Variants in SMG6 observed in about 807,000 individuals in gnomAD.
SMG6 encodes the protein telomerase-binding protein EST1A.
Under a neutral mutation model 142.2 loss-of-function variants are expected in SMG6, and 66 were observed. The observed-to-expected ratio is 0.46, with a 90% CI of 0.38 to 0.57. The LOEUF (loss-of-function observed/expected upper bound fraction) is 0.57. Among genes scored for constraint, SMG6 ranks in the 20% least tolerant of loss-of-function variants. The pLI is 0.00. For synonymous variants in SMG6, 779 were observed against 702.4 expected (o/e 1.11, Z -1.72); for missense variants, 1,793 against 1,832.0 (o/e 0.98, Z 0.39).
At chr17:2,174,849 G>C (rs2071610268) in intron 12 of SMG6, among the ~76,000 whole-genome samples, 1 of 152,184 alleles carries the variant, frequency 6.6e-6, no homozygotes, top group South Asian at 2.1e-4. Context: ...GATGTAATGG[G>C]AAACGCGGCA....
At chr17:2,220,749 T>C (rs2073147703) in intron 10 of SMG6, among the ~76,000 whole-genome samples, 1 of 152,262 alleles carries the variant, frequency 6.6e-6, no homozygotes, top group Admixed American at 6.5e-5. Context: ...AAGAATTTTA[T>C]AGCTTTGTAT....
intron 2 of SMG6, among the ~76,000 whole-genome samples, chr17:2,298,496 G>A (rs1243072070): frequency 6.6e-6 from 1 of 152,084 alleles, no homozygotes; most frequent in Non-Finnish European, 1.5e-5. Flanking sequence ...GAGGCAGGCG[G>A]ATCACGAGGT....
intron 8 of SMG6, among the ~76,000 whole-genome samples, chr17:2,269,113 G>A (rs553532223): frequency 8.6e-5 from 13 of 151,262 alleles, no homozygotes; most frequent in South Asian, 6.3e-4. Context: ...CCAGCTACCC[G>A]AGAGGCTGCG....
chr17:2,201,843 G>A (rs966587056), intron 10 of SMG6, among the ~76,000 whole-genome samples: 3 of 151,982 alleles, frequency 2.0e-5, no homozygotes, highest in Non-Finnish European at 2.9e-5. Flanking sequence ...GGCAAACATG[G>A]TGAAACCCCA....
At chr17:2,191,894 T>C (rs559119237) in intron 10 of SMG6, among the ~76,000 whole-genome samples, 2 of 152,358 alleles carry the variant, frequency 1.3e-5, no homozygotes, top group Admixed American at 6.5e-5. Flanking sequence ...CCGGATGTTA[T>C]GTATTTCTAA....
chr17:2,123,775 T>C (rs2069779143), intron 13 of SMG6, among the ~76,000 whole-genome samples: 1 of 124,804 alleles, frequency 8.0e-6, no homozygotes, highest in African/African-American at 3.0e-5. Flanking sequence ...AGAGGAGGAG[T>C]GTGTTTGTGT....
rs2067918010 is a variant in SMG6, at chr17:2,065,566, G to A, written c.3949C>T (p.Arg1317Ter). Residue 1317 changes from arginine (R) to a stop codon, truncating the protein, a stop_gained, in exon 17 of 19, where the codon CGA becomes TGA. Coordinates refer to ENST00000263073, the MANE Select transcript of SMG6 (RefSeq NM_017575.5). LOFTEE classifies it high-confidence loss of function. ...AGGCAAGAGTCCCGACTCTCGAATC[G>A]CTGCTCGAGGAACTCGATGGACTTG... ...ARKSIEFLEQRFESRDSCLRA... is the reference protein window; with the variant it reads ...ARKSIEFLEQ 3 of 1,613,966 alleles carry A rather than the reference G, an allele frequency of 1.9e-6. No homozygotes were observed. The highest frequency in any genetic ancestry group is 2.5e-6 in the Non-Finnish European group (3 of 1,180,040).
chr17:2,244,335 G>A (rs1175341346), intron 9 of SMG6, among the ~76,000 whole-genome samples: 2 of 151,898 alleles, frequency 1.3e-5, no homozygotes, highest in South Asian at 2.1e-4. Flanking sequence ...CAACTGCCCT[G>A]AGGCACTCAC....
intron 8 of SMG6, among the ~76,000 whole-genome samples, chr17:2,274,502 C>T (rs2074606510): frequency 6.6e-6 from 1 of 151,980 alleles, no homozygotes; most frequent in South Asian, 2.1e-4. Flanking sequence ...GGAGAGAGAA[C>T]AAGGTAAACA....
chr17:2,222,586 T>C (rs2073208505), intron 10 of SMG6, among the ~76,000 whole-genome samples: 1 of 109,298 alleles, frequency 9.1e-6, no homozygotes, highest in Admixed American at 1.4e-4. Context: ...GAGGTCCATA[T>C]ATGAAGGCCT....
At chr17:2,088,616 G>A (rs1244629603) in intron 13 of SMG6, 1 of 985,344 alleles carries the variant, frequency 1.0e-6, no homozygotes, top group Admixed American at 6.1e-5. Flanking sequence ...AGAGAGAAAG[G>A]TTGTCTGTCT....
At position 2,123,411 on chromosome 17, in the gene SMG6, G is replaced by A. The variant is rs1176198731; in HGVS notation, c.3358-37510C>T. Among the ~76,000 whole-genome samples, 4 of 152,234 alleles carry A rather than the reference G, an allele frequency of 2.6e-5. No individual in the cohort carries two copies. The East Asian group carries it at 7.7e-4, about 29-fold the overall frequency. On this transcript the variant is annotated intron_variant, in intron 13 of 18. Coordinates refer to ENST00000263073, the MANE Select transcript of SMG6 (RefSeq NM_017575.5). ...AAAGGCAGTACGACGGAAAGAGGCA[G>A]CTGGAAGGAAGGAATGGAAGTGTGT...
At chr17:2,204,547 G>C (rs2072622480) in intron 10 of SMG6, among the ~76,000 whole-genome samples, 1 of 152,202 alleles carries the variant, frequency 6.6e-6, no homozygotes, top group African/African-American at 2.4e-5. Flanking sequence ...TAATAAGCTA[G>C]ATAAAGCAGT....
At chr17:2,287,198 C>T (rs2074927408) in intron 6 of SMG6, among the ~76,000 whole-genome samples, 1 of 152,080 alleles carries the variant, frequency 6.6e-6, no homozygotes, top group African/African-American at 2.4e-5. Context: ...GGATTACAGG[C>T]GTGAGCCACT....
At chr17:2,256,578 C>T (rs895013877) in intron 8 of SMG6, among the ~76,000 whole-genome samples, 5 of 151,984 alleles carry the variant, frequency 3.3e-5, no homozygotes, top group African/African-American at 1.2e-4. Flanking sequence ...CCTGGGCCAA[C>T]ATGGCAAAAC....
At chr17:2,190,566 G>A (rs529113790) in intron 10 of SMG6, among the ~76,000 whole-genome samples, 18 of 152,322 alleles carry the variant, frequency 1.2e-4, no homozygotes, top group African/African-American at 4.1e-4. Flanking sequence ...GGGCTCAGAG[G>A]GAGAATGGCT....
At chr17:2,116,189 G>C (rs1236471244) in intron 13 of SMG6, among the ~76,000 whole-genome samples, 1 of 151,928 alleles carries the variant, frequency 6.6e-6, no homozygotes, top group Admixed American at 6.6e-5. Context: ...TCCCACTTCA[G>C]CCTCTTGAGT....
intron 12 of SMG6, among the ~76,000 whole-genome samples, chr17:2,175,075 G>A (rs537560760): frequency 3.3e-4 from 51 of 152,306 alleles, no homozygotes; most frequent in African/African-American, 9.6e-4. Context: ...CATGGGAGAC[G>A]CACAGGGAGG....
chr17:2,151,973 C>T (rs1383339757), intron 13 of SMG6, among the ~76,000 whole-genome samples: 1 of 152,208 alleles, frequency 6.6e-6, no homozygotes, highest in African/African-American at 2.4e-5. Context: ...AGCAATGACT[C>T]CTTGGAGGCT....
Sources: allele counts gnomAD v4.1 joint callset (sites outside exome capture counted in the v4.1 genomes callset), GRCh38; gene constraint gnomAD v4.1.1; transcripts MANE v1.5; gene names NCBI Gene and HGNC (gene_info 2026-07-23, HGNC 2026-07-21).